CACNA1C: variants seen among roughly 807,000 people sequenced by gnomAD.
CACNA1C encodes voltage-dependent L-type calcium channel subunit alpha-1C.
Under a neutral mutation model 229.0 loss-of-function variants are expected in CACNA1C, and 30 were observed. The ratio of observed to expected loss-of-function variants is 0.13; its 90% confidence interval spans 0.10 to 0.18. The LOEUF is 0.18. CACNA1C is among the 10% of genes least tolerant of loss of function. The pLI, the probability that CACNA1C is intolerant of heterozygous loss-of-function variation, is 1.00. For missense variants in CACNA1C, 1,658 were observed against 2,845.0 expected (o/e 0.58, Z 9.49); for synonymous variants, 1,114 against 1,132.5 (o/e 0.98, Z 0.33).
intron 3 of CACNA1C, among the ~76,000 whole-genome samples, chr12:2,405,584 T>C (rs2098728455): frequency 6.6e-6 from 1 of 152,250 alleles, no homozygotes; most frequent in Non-Finnish European, 1.5e-5. Flanking sequence ...TGAGTATATC[T>C]CTTCGTGTAG....
chr12:2,544,344 G>A (rs1333576148), intron 9 of CACNA1C, among the ~76,000 whole-genome samples: 2 of 152,202 alleles, frequency 1.3e-5, no homozygotes, highest in Admixed American at 6.5e-5. Context: ...TAGGATAAGA[G>A]GATGAAATAT....
chr12:2,350,649 G>C (rs1010031186), intron 3 of CACNA1C, among the ~76,000 whole-genome samples: 14 of 152,310 alleles, frequency 9.2e-5, no homozygotes, highest in South Asian at 2.1e-4. Flanking sequence ...TGAATGGCTG[G>C]TCACCCCCTC....
intron 1 of CACNA1C, among the ~76,000 whole-genome samples, chr12:2,011,574 G>T (rs2044450033): frequency 6.6e-6 from 1 of 152,188 alleles, no homozygotes; most frequent in Non-Finnish European, 1.5e-5. Context: ...GGATTCTGTG[G>T]TTCTCTATTA....
intron 29 of CACNA1C, chr12:2,614,876 G>A (rs1022677509): frequency 1.3e-5 from 2 of 151,292 alleles, no homozygotes; most frequent in Admixed American, 1.3e-4. Context: ...CTTCATTTCT[G>A]TGTGTTCTCC....
At chr12:2,150,351 G>T (rs2154212256) in intron 3 of CACNA1C, among the ~76,000 whole-genome samples, 1 of 152,334 alleles carries the variant, frequency 6.6e-6, no homozygotes, top group South Asian at 2.1e-4. Flanking sequence ...AGGAGTGAAT[G>T]TCACCTCCAT....
chr12:2,296,765 G>A (rs546950856), intron 3 of CACNA1C, among the ~76,000 whole-genome samples: 3 of 152,314 alleles, frequency 2.0e-5, no homozygotes, highest in African/African-American at 4.8e-5. Flanking sequence ...CTAACAGTAC[G>A]GAAATGGATA....
intron 3 of CACNA1C, among the ~76,000 whole-genome samples, chr12:2,378,808 T>TCCTTCCTTCCTTCCTTCCTTCCTC (rs1379183193): frequency 3.6e-5 from 5 of 138,292 alleles, no homozygotes; most frequent in Non-Finnish European, 8.1e-5. Flanking sequence ...CTTCCTTCCT[T>TCCTTCCTTCCTTCCTTCCTTCCTC]CCTTCCTTCC....
chr12:2,400,337 C>T (rs1172181269), intron 3 of CACNA1C, among the ~76,000 whole-genome samples: 5 of 152,120 alleles, frequency 3.3e-5, no homozygotes. Flanking sequence ...AGTAATGGCT[C>T]ATTGTGAAGT....
At chr12:2,250,484 C>A (rs555848493) in intron 3 of CACNA1C, among the ~76,000 whole-genome samples, 80 of 152,358 alleles carry the variant, frequency 5.3e-4, no homozygotes, top group African/African-American at 1.7e-3. Context: ...TCACTGAACA[C>A]TTTTACATCC....
intron 3 of CACNA1C, among the ~76,000 whole-genome samples, chr12:2,250,967 C>T (rs765182571): frequency 6.6e-6 from 1 of 152,182 alleles, no homozygotes; most frequent in Non-Finnish European, 1.5e-5. Flanking sequence ...TGACTTCTAC[C>T]ACATCCTGCA....
intron 14 of CACNA1C, 48 bp downstream of exon 14, chr12:2,581,845 CG>C (rs1222247709): frequency 2.5e-6 from 3 of 1,221,460 alleles, no homozygotes; most frequent in African/African-American, 3.0e-5. Flanking sequence ...GGTTGAGTGG[CG>C]GGGTGGTGGG....
chr12:2,433,625 G>T (rs1487456804), intron 3 of CACNA1C, among the ~76,000 whole-genome samples: 1 of 152,196 alleles, frequency 6.6e-6, no homozygotes, highest in African/African-American at 2.4e-5. Flanking sequence ...CCTTGGAGGA[G>T]ATGTGCTCTA....
intron 13 of CACNA1C, among the ~76,000 whole-genome samples, chr12:2,572,355 TCTC>T (rs2055325762): frequency 9.8e-6 from 1 of 102,062 alleles, no homozygotes; most frequent in Non-Finnish European, 2.0e-5. Context: ...CTCCTCCTCC[TCTC>T]CTCCTCCTTC....
At chr12:2,420,331 C>T (rs2098966006) in intron 3 of CACNA1C, among the ~76,000 whole-genome samples, 1 of 152,140 alleles carries the variant, frequency 6.6e-6, no homozygotes, top group South Asian at 2.1e-4. Context: ...GAGATGCCAC[C>T]AGGCTTTCAC....
At position 2,665,214 on chromosome 12, in the gene CACNA1C, C is replaced by T. The variant is rs193260673; in HGVS notation, c.4398+224C>T. ...TTGCTTGTCTGTTCTTGGCTGTTGT[C>T]ATGGTGGCATTGTCCCAGAGGACAA... is the stretch of plus-strand genomic sequence containing the variant. On this transcript the variant is annotated intron_variant, in intron 35 of 46. Transcript: ENST00000399655. The surrounding 1 kb of genome is among the most constrained non-coding windows in gnomAD (Gnocchi z 5.9). 5.5e-4 allele frequency among the ~76,000 whole-genome samples: 84 copies of T among 152,342 alleles called. No homozygotes were observed. In the East Asian group the frequency reaches 9.3e-3, roughly 17 times the overall value.
At chr12:2,098,662 G>A (rs567315109) in intron 1 of CACNA1C, among the ~76,000 whole-genome samples, 2 of 152,184 alleles carry the variant, frequency 1.3e-5, no homozygotes, top group Non-Finnish European at 2.9e-5. Context: ...GGGATATAGC[G>A]ATTGTTTTTA....
chr12:2,518,632 G>A (rs1315090203), intron 9 of CACNA1C, among the ~76,000 whole-genome samples: 3 of 151,504 alleles, frequency 2.0e-5, no homozygotes, highest in Non-Finnish European at 2.9e-5. Context: ...AAATCAGTAC[G>A]ATCAGTATTT....
chr12:2,378,002 T>TGAGCCTAGAA (rs2098124972), intron 3 of CACNA1C, among the ~76,000 whole-genome samples: 1 of 152,134 alleles, frequency 6.6e-6, no homozygotes, highest in Admixed American at 6.5e-5. Context: ...CTGGTGGTCT[T>TGAGCCTAGAA]GAGCCTAGAA....
chr12:2,225,372 A>G (rs572419405), intron 3 of CACNA1C, among the ~76,000 whole-genome samples: 2 of 152,354 alleles, frequency 1.3e-5, no homozygotes, highest in Admixed American at 6.5e-5. Flanking sequence ...AGCTACACAA[A>G]TAACAGTAGC....
Sources: allele counts gnomAD v4.1 joint callset (sites outside exome capture counted in the v4.1 genomes callset), GRCh38; gene constraint gnomAD v4.1.1; non-coding constraint Gnocchi (gnomAD v3.1); transcripts MANE v1.5; gene names NCBI Gene and HGNC (gene_info 2026-07-23, HGNC 2026-07-21).